The following PLS3 variants were observed in gnomAD, a reference collection of about 807,000 sequenced individuals.
PLS3 encodes the protein plastin 3.
PLS3 carries 11 observed loss-of-function variants against 46.5 expected under a neutral mutation model. That is an observed-to-expected ratio of 0.24 (90% confidence interval 0.15 to 0.39). PLS3 has a LOEUF of 0.39. Among genes scored for constraint, PLS3 ranks in the 10% least tolerant of loss-of-function variants. The probability of loss-of-function intolerance (pLI) is 1.00; values close to 1 mark genes in which losing one functional copy is unlikely to be tolerated. For synonymous variants in PLS3, 167 were observed against 162.2 expected (o/e 1.03, Z -0.22); for missense variants, 308 against 461.8 (o/e 0.67, Z 3.05).
At chrX:115,600,159 T>C (rs993529131) in intron 1 of PLS3, among the ~76,000 whole-genome samples, 26 of 111,268 alleles carry the variant, frequency 2.3e-4, no homozygotes, top group African/African-American at 8.2e-4. Flanking sequence ...TATTCATTTT[T>C]TATGTTTATT....
intron 9 of PLS3, among the ~76,000 whole-genome samples, chrX:115,641,436 A>G (rs2074895201): frequency 9.1e-6 from 1 of 109,600 alleles, no homozygotes; most frequent in African/African-American, 3.3e-5. Context: ...CATGTTGGCC[A>G]GGCTGGTCTT....
rs1417843035 is a variant in PLS3 at position 115,650,587 on chromosome X, TC to T, written c.*1028del. 1 of 112,499 alleles carries T rather than the reference TC, an allele frequency of 8.9e-6. No homozygotes were observed. The highest frequency in any genetic ancestry group is 3.2e-5 in the African/African-American group (1 of 30,956). The allele number at this position is 112,499 out of a possible 1,213,427, so 9.3% of individuals were successfully genotyped here. A position where few individuals can be genotyped will look rare whatever the true frequency, so the allele number is the denominator to read the frequency against. ...CTTTGTCAAGCTGTTTGCTATAGTT[TC>T]CAAGGTATTATGTTACTCTAACTCT... is the stretch of plus-strand genomic sequence containing the variant. On this transcript the variant is annotated 3_prime_UTR_variant, in exon 16 of 16. Coordinates refer to ENST00000355899, the MANE Select transcript of PLS3 (RefSeq NM_005032.7).
intron 3 of PLS3, among the ~76,000 whole-genome samples, chrX:115,628,249 A>ATG (rs1465113237): frequency 4.5e-5 from 5 of 112,198 alleles, no homozygotes; most frequent in Admixed American, 3.8e-4. Flanking sequence ...TCTTCCTGAG[A>ATG]TGTGTGTGTG....
chrX:115,640,612 C>A, intron 9 of PLS3, 109 bp downstream of exon 9: 1 of 456,589 alleles, frequency 2.2e-6, no homozygotes, highest in African/African-American at 2.4e-5. Context: ...CAATTTTAAG[C>A]ATTATTTTAA....
At chrX:115,586,984 A>G (rs1013129172) in intron 1 of PLS3, among the ~76,000 whole-genome samples, 1 of 112,653 alleles carries the variant, frequency 8.9e-6, no homozygotes, top group Non-Finnish European at 1.9e-5. Context: ...TGGCTCCTTC[A>G]TAAATATTAC....
At chrX:115,598,161 G>A (rs1452531821) in intron 1 of PLS3, among the ~76,000 whole-genome samples, 1 of 109,191 alleles carries the variant, frequency 9.2e-6, no homozygotes, top group Non-Finnish European at 1.9e-5. Flanking sequence ...ATTAGCTGGG[G>A]TGATATTGCG....
At chrX:115,592,118 T>C (rs1253950046) in intron 1 of PLS3, among the ~76,000 whole-genome samples, 1 of 111,891 alleles carries the variant, frequency 8.9e-6, no homozygotes, top group Non-Finnish European at 1.9e-5. Flanking sequence ...GTCACCTCCT[T>C]ATGCTGAGAG....
intron 1 of PLS3, among the ~76,000 whole-genome samples, chrX:115,561,500 G>A (rs2074134417): frequency 1.8e-5 from 2 of 111,894 alleles, no homozygotes; most frequent in African/African-American, 6.5e-5. Context: ...AGCATCCGCC[G>A]CAGACACGTT....
intron 1 of PLS3, among the ~76,000 whole-genome samples, chrX:115,573,907 T>A (rs2074232427): frequency 9.0e-6 from 1 of 111,127 alleles, no homozygotes; most frequent in Admixed American, 9.7e-5. Flanking sequence ...TTTCACTGTG[T>A]TGACCAGGCT....
intron 2 of PLS3, chrX:115,614,293 G>C: frequency 1.3e-6 from 1 of 752,299 alleles, no homozygotes; most frequent in Non-Finnish European, 1.6e-6. Flanking sequence ...TTTAAAACGA[G>C]AGTTGCAGCA....
chrX:115,640,544 A>ATTATTG, intron 9 of PLS3, 41 bp downstream of exon 9: 2 of 689,006 alleles, frequency 2.9e-6, no homozygotes, highest in Non-Finnish European at 2.3e-6. Context: ...ATCTTGCAAA[A>ATTATTG]TTATTGTCAA....
chrX:115,619,413 A>G (rs1189792601), intron 2 of PLS3, among the ~76,000 whole-genome samples: 1 of 112,294 alleles, frequency 8.9e-6, no homozygotes, highest in Non-Finnish European at 1.9e-5. Context: ...TGGTATATGC[A>G]TGGGAGCAGG....
At chrX:115,630,310 C>T (rs1420240715) in intron 5 of PLS3, among the ~76,000 whole-genome samples, 1 of 111,250 alleles carries the variant, frequency 9.0e-6, no homozygotes, top group African/African-American at 3.3e-5. Flanking sequence ...TCAGTTCTCA[C>T]TCTCCAATGA....
At chrX:115,644,244 T>C (rs1377962256) in intron 10 of PLS3, among the ~76,000 whole-genome samples, 1 of 110,761 alleles carries the variant, frequency 9.0e-6, no homozygotes, top group Non-Finnish European at 1.9e-5. Flanking sequence ...TTTTTAAGTT[T>C]TGGAAAGGCA....
rs192060167 is a variant in PLS3, at chrX:115,587,691, C to T, written c.-8-22552C>T. ...CGGAGCTTGCAGTGAGCCGAGATCG[C>T]GCCACTGCACTCCAGCCTGGGCGAC... On this transcript the variant is annotated intron_variant, in intron 1 of 15. Transcript: ENST00000355899. Among the ~76,000 whole-genome samples, 659 of 105,682 alleles carry T rather than the reference C, an allele frequency of 6.2e-3. 9 individuals are homozygous for T. The highest frequency in any genetic ancestry group is 0.015 in the Middle Eastern group (3 of 200). The allele number at this position is 105,682 out of a possible 115,157, so 91.8% of individuals were successfully genotyped here.
At chrX:115,591,740 T>C (rs1556633150) in intron 1 of PLS3, among the ~76,000 whole-genome samples, 1 of 112,327 alleles carries the variant, frequency 8.9e-6, no homozygotes, top group Admixed American at 9.4e-5. Context: ...AAATGCTTGG[T>C]AGTTACCTAC....
chrX:115,612,368 C>T (rs782764339), intron 2 of PLS3, among the ~76,000 whole-genome samples: 135 of 111,520 alleles, frequency 1.2e-3, no homozygotes, highest in African/African-American at 4.0e-3. Flanking sequence ...CCGAGTCTTT[C>T]GATTTTCTTT....
chrX:115,601,189 C>T (rs1556634546), intron 1 of PLS3, among the ~76,000 whole-genome samples: 1 of 109,246 alleles, frequency 9.2e-6, no homozygotes, highest in African/African-American at 3.3e-5. Context: ...GTGGAAGAAG[C>T]GGGAAAATAC....
At chrX:115,567,709 C>CTT (rs782653479) in intron 1 of PLS3, among the ~76,000 whole-genome samples, 29 of 81,907 alleles carry the variant, frequency 3.5e-4, no homozygotes, top group African/African-American at 5.6e-4. Context: ...TTTTCTTCTT[C>CTT]TTTTTTTTTT....
Sources: gnomAD v4.1 joint callset for allele counts (sites outside exome capture counted in the v4.1 genomes callset) on GRCh38, gnomAD v4.1.1 for gene constraint, MANE v1.5 for transcripts, NCBI Gene and HGNC (gene_info 2026-07-23, HGNC 2026-07-21) for gene names.